The following USP42 variants were observed in gnomAD, a reference collection of about 807,000 sequenced individuals.
The protein encoded by USP42 is ubiquitin specific peptidase 42, also known as ubiquitin carboxyl-terminal hydrolase 42.
In USP42, 23 loss-of-function variants were observed where a neutral mutation model predicts 113.0. The ratio of observed to expected loss-of-function variants is 0.20; its 90% CI spans 0.15 to 0.29. USP42 has a LOEUF of 0.29. Ranked by LOEUF, USP42 falls within the 10% of genes least tolerant of loss-of-function variation. The probability of loss-of-function intolerance (pLI) is 1.00; values close to 1 mark genes in which losing one functional copy is unlikely to be tolerated. For missense variants in USP42, 2,174 were observed against 1,779.8 expected, an observed-to-expected ratio of 1.22 and a Z score of -3.99; for synonymous variants, 933 against 699.0, an observed-to-expected ratio of 1.33 and a Z score of -5.28.
chr7:6,141,662 A>C (rs1396752893), intron 7 of USP42, among the ~76,000 whole-genome samples: 1 of 151,334 alleles, frequency 6.6e-6, no homozygotes, highest in African/African-American at 2.4e-5. Context: ...GGGTTCAAGC[A>C]TTTCCCCTGT....
At chr7:6,106,662 T>C (rs1313689826) in intron 1 of USP42, among the ~76,000 whole-genome samples, 2 of 152,134 alleles carry the variant, frequency 1.3e-5, no homozygotes, top group African/African-American at 4.8e-5. Flanking sequence ...TCTCCTGAGC[T>C]CCAGCAGTCC....
At chr7:6,136,216 C>T (rs1458357207) in intron 4 of USP42, among the ~76,000 whole-genome samples, 1 of 151,942 alleles carries the variant, frequency 6.6e-6, no homozygotes, top group Non-Finnish European at 1.5e-5. Flanking sequence ...GTTGGTCAGG[C>T]TGGTCTCAAA....
At position 6,154,875 on chromosome 7, in the gene USP42, G is replaced by A. The variant is rs1260321063; in HGVS notation, c.3321G>A (p.Arg1107=). The A allele has an allele frequency of 1.1e-5, 17 of 1,528,914 alleles. No individual in the cohort carries two copies. The highest frequency in any genetic ancestry group is 2.8e-5 in the African/African-American group (2 of 71,870). The allele number at this position is 1,528,914 out of a possible 1,614,324, so 94.7% of individuals were successfully genotyped here. A position where few individuals can be genotyped will look rare whatever the true frequency, so the allele number is the denominator to read the frequency against. Residue 1107 remains arginine (R), a synonymous_variant, in exon 15 of 18, where the codon CGG becomes CGA. Coordinates refer to ENST00000306177, the MANE Select transcript of USP42 (RefSeq NM_032172.3). ...NRGRRGCEPA[R]ERERHRPSSP... The stretch of plus-strand genomic sequence containing the variant: ...GCCGTAGGGGCTGCGAGCCGGCCCG[G>A]GAGAGGGAGCGGCACCGCCCCAGCA...
At chr7:6,100,678 CTG>C (rs1371897397), upstream of USP42, among the ~76,000 whole-genome samples, 2 of 142,250 alleles carry the variant, frequency 1.4e-5, no homozygotes, top group Non-Finnish European at 3.0e-5. Flanking sequence ...TTGGTATCCA[CTG>C]TCTTTTTTTT....
chr7:6,146,541 G>T (rs1312700528), intron 11 of USP42, among the ~76,000 whole-genome samples: 1 of 152,084 alleles, frequency 6.6e-6, no homozygotes, highest in Non-Finnish European at 1.5e-5. Flanking sequence ...TTGTGGGCCT[G>T]TGGTCTTATC....
intron 3 of USP42, among the ~76,000 whole-genome samples, chr7:6,126,825 T>C (rs1287110471): frequency 2.0e-5 from 3 of 152,204 alleles, no homozygotes; most frequent in African/African-American, 7.2e-5. Flanking sequence ...GGAGCTGCTA[T>C]AAACGTGAGT....
At chr7:6,112,160 A>G (rs934939968) in intron 2 of USP42, among the ~76,000 whole-genome samples, 1 of 151,998 alleles carries the variant, frequency 6.6e-6, no homozygotes, top group Non-Finnish European at 1.5e-5. Flanking sequence ...TTTGAAAGAG[A>G]GCAGATAGGC....
chr7:6,140,277 T>C, intron 6 of USP42, 82 bp downstream of exon 6: 4 of 1,308,500 alleles, frequency 3.1e-6, no homozygotes, highest in Non-Finnish European at 4.3e-6. Flanking sequence ...TTAGTCCTAC[T>C]AGGAAGGAAG....
At chr7:6,112,156 A>G (rs1384122761) in intron 2 of USP42, among the ~76,000 whole-genome samples, 1 of 152,162 alleles carries the variant, frequency 6.6e-6, no homozygotes, top group East Asian at 1.9e-4. Flanking sequence ...GCTCTTTGAA[A>G]GAGAGCAGAT....
intron 3 of USP42, among the ~76,000 whole-genome samples, chr7:6,120,137 T>C (rs774947364): frequency 6.6e-6 from 1 of 152,212 alleles, no homozygotes; most frequent in Admixed American, 6.5e-5. Context: ...CTAATTTTTT[T>C]GTATTTTTAG....
intron 7 of USP42, among the ~76,000 whole-genome samples, chr7:6,142,406 C>T (rs746761179): frequency 2.4e-4 from 37 of 151,842 alleles, no homozygotes; most frequent in Admixed American, 1.3e-3. Flanking sequence ...TTAGTAGAGA[C>T]GGGGTTTTAC....
At chr7:6,145,303 C>T (rs558185503) in intron 9 of USP42, among the ~76,000 whole-genome samples, 4 of 151,526 alleles carry the variant, frequency 2.6e-5, no homozygotes, top group East Asian at 3.9e-4. Context: ...TGCACTCCAG[C>T]CTGGGTGATA....
intron 1 of USP42, among the ~76,000 whole-genome samples, chr7:6,106,383 A>G (rs1779277786): frequency 6.6e-6 from 1 of 152,226 alleles, no homozygotes. Context: ...GCAGAGTGCC[A>G]CAGTGTCTAA....
chr7:6,119,941 G>A (rs956680696), intron 3 of USP42, among the ~76,000 whole-genome samples: 3 of 152,014 alleles, frequency 2.0e-5, no homozygotes, highest in Non-Finnish European at 4.4e-5. Flanking sequence ...CGCTTAAGCG[G>A]TTCTCTTGCC....
At chr7:6,088,447 G>A in the USP42 span, among the ~76,000 whole-genome samples, 8 of 150,872 alleles carry the variant, frequency 5.3e-5, 1 homozygote, top group African/African-American at 1.7e-4. Context: ...TAGTAGAGAC[G>A]GGGTTTCACC....
chr7:6,086,704 C>T, the USP42 span, among the ~76,000 whole-genome samples: 1 of 143,884 alleles, frequency 7.0e-6, no homozygotes, highest in African/African-American at 2.6e-5. Flanking sequence ...CCTTTCCTTT[C>T]CTTTCCTTTT....
upstream of USP42, among the ~76,000 whole-genome samples, chr7:6,103,758 A>C (rs1790218303): frequency 6.7e-6 from 1 of 149,278 alleles, no homozygotes; most frequent in African/African-American, 2.5e-5. Context: ...AAAAAAAACA[A>C]AACTTAAAAA....
In USP42 at chr7:6,139,386, T is replaced by G; in HGVS notation, c.656+192T>G. ...AATGGTTGAAATTTACACGTGTGTC[T>G]TACGTAACAGTTTGAGTTGGCTCAA... is the stretch of plus-strand genomic sequence containing the variant. On this transcript the variant is annotated intron_variant, in intron 5 of 17. Transcript: ENST00000306177. The surrounding 1 kb of genome is among the most constrained non-coding windows in gnomAD (Gnocchi z 4.5). 2.1e-6 allele frequency: 1 copy of G among 472,772 alleles called. No homozygotes were observed. The highest frequency in any genetic ancestry group is 3.9e-5 in the South Asian group (1 of 25,846). 29.3% of individuals were successfully genotyped at this position (472,772 alleles called of 1,614,324 possible).
At chr7:6,081,987 T>C in the USP42 span, among the ~76,000 whole-genome samples, 1 of 152,076 alleles carries the variant, frequency 6.6e-6, no homozygotes, top group Admixed American at 6.6e-5. Flanking sequence ...AATAAAAATA[T>C]AAGTTCCAAA....
Sources: gnomAD v4.1 joint callset for allele counts (sites outside exome capture counted in the v4.1 genomes callset) on GRCh38, gnomAD v4.1.1 for gene constraint, Gnocchi (gnomAD v3.1) non-coding constraint, MANE v1.5 for transcripts, NCBI Gene and HGNC (gene_info 2026-07-23, HGNC 2026-07-21) for gene names.